The following NAALAD2 variants were observed in gnomAD, a reference collection of about 807,000 sequenced individuals.
The protein encoded by NAALAD2 is N-acetylated alpha-linked acidic dipeptidase 2, also known as N-acetylated-alpha-linked acidic dipeptidase 2.
NAALAD2 carries 89 observed loss-of-function variants against 95.6 expected under a neutral mutation model. The observed-to-expected ratio is 0.93, with a 90% CI of 0.78 to 1.11. The LOEUF (loss-of-function observed/expected upper bound fraction) is 1.11. Ranked by LOEUF, NAALAD2 falls within the 50% of genes least tolerant of loss-of-function variation. The pLI is 0.00. For synonymous variants in NAALAD2, 264 were observed against 294.4 expected, an observed-to-expected ratio of 0.90 and a Z score of 1.06; for missense variants, 894 against 872.4, an observed-to-expected ratio of 1.02 and a Z score of -0.31.
At chr11:90,159,060 G>C (rs548713825) in intron 7 of NAALAD2, 179 bp from the exon 8 acceptor site, 1 of 592,462 alleles carries the variant, frequency 1.7e-6, no homozygotes, top group African/African-American at 1.9e-5. Context: ...ACTGATTTCA[G>C]TATGGCTCTC....
At chr11:90,142,688 G>A (rs552551393) in intron 2 of NAALAD2, among the ~76,000 whole-genome samples, 84 of 152,178 alleles carry the variant, frequency 5.5e-4, no homozygotes, top group Middle Eastern at 6.8e-3. Flanking sequence ...TGCCTTGTGA[G>A]TATTTAGTCC....
At chr11:90,148,682 G>C (rs1178582162) in intron 3 of NAALAD2, among the ~76,000 whole-genome samples, 1 of 150,806 alleles carries the variant, frequency 6.6e-6, no homozygotes, top group Non-Finnish European at 1.5e-5. Flanking sequence ...AAATAAAGAT[G>C]AAAGAAAAGG....
At chr11:90,156,503 T>C (rs1317027280) in intron 6 of NAALAD2, among the ~76,000 whole-genome samples, 2 of 152,186 alleles carry the variant, frequency 1.3e-5, no homozygotes, top group Non-Finnish European at 2.9e-5. Context: ...TTTTCTACGA[T>C]GGATTATTTA....
intron 2 of NAALAD2, among the ~76,000 whole-genome samples, chr11:90,143,287 T>C (rs1167326069): frequency 6.6e-6 from 1 of 152,156 alleles, no homozygotes; most frequent in Admixed American, 6.5e-5. Context: ...TGACAAATTC[T>C]TAGTTTTTCT....
rs1479963279 is a variant in NAALAD2, at chr11:90,135,554, C to T, written c.83-5C>T. On this transcript the variant is annotated splice_polypyrimidine_tract_variant and splice_region_variant and intron_variant, in intron 1 of 18. Transcript: ENST00000534061. ...TGTGCATGTTTGTGTATTTTTTTTCCTTAGGCTGGTTTATTAAGCCTCTCA... is the reference window on the plus strand; with the variant it reads ...TGTGCATGTTTGTGTATTTTTTTTCTTTAGGCTGGTTTATTAAGCCTCTCA... 6.3e-7 allele frequency: 1 copy of T among 1,599,604 alleles called. No individual in the cohort carries two copies. The highest frequency in any genetic ancestry group is 1.1e-5 in the South Asian group (1 of 89,314).
intron 6 of NAALAD2, among the ~76,000 whole-genome samples, chr11:90,154,702 A>G (rs565570800): frequency 6.6e-6 from 1 of 151,028 alleles, no homozygotes; most frequent in South Asian, 2.1e-4. Flanking sequence ...GAATGGGTTC[A>G]ATGTTGTCTA....
In NAALAD2 at chr11:90,159,322, G is replaced by T. The variant is rs776065043; in HGVS notation, c.974G>T (p.Gly325Val). The change falls in exon 8 of 19, where the codon GGG becomes GTG. Residue 325 changes from glycine (G) to valine (V), a missense_variant. Transcript: ENST00000534061. The stretch of plus-strand genomic sequence containing the variant: ...TATAGTATCGGACCTGGCTTTACAG[G>T]GAGTGATTCTTTCAGGTAATTTTGC... ...VSYSIGPGFT[G>V]SDSFRKVRMH... 2 of 1,612,780 alleles carry T rather than the reference G, an allele frequency of 1.2e-6. No homozygotes were observed. The highest frequency in any genetic ancestry group is 3.3e-5 in the Admixed American group (2 of 59,952).
intron 3 of NAALAD2, 128 bp downstream of exon 3, chr11:90,147,644 A>G (rs2134855774): frequency 2.3e-6 from 2 of 858,986 alleles, no homozygotes; most frequent in Admixed American, 2.8e-5. Context: ...TGTGTTCGAC[A>G]TGGTGTTAAG....
chr11:90,191,533 A>G (rs750530262), intron 18 of NAALAD2, 25 bp from the exon 19 acceptor site: 2 of 1,513,838 alleles, frequency 1.3e-6, no homozygotes, highest in South Asian at 1.4e-5. Flanking sequence ...CTTTAGTTCA[A>G]TTTGCCTTGT....
At chr11:90,148,396 G>C (rs1211316000) in intron 3 of NAALAD2, among the ~76,000 whole-genome samples, 1 of 152,102 alleles carries the variant, frequency 6.6e-6, no homozygotes, top group Non-Finnish European at 1.5e-5. Flanking sequence ...GAGACTGTCT[G>C]GTGTGGGTGG....
chr11:90,167,463 C>T (rs1206566734), intron 11 of NAALAD2, among the ~76,000 whole-genome samples: 3 of 152,208 alleles, frequency 2.0e-5, no homozygotes, highest in Non-Finnish European at 4.4e-5. Context: ...AGCCTCCCGA[C>T]GAGCACCGCT....
chr11:90,179,242 C>T (rs1291011426), intron 16 of NAALAD2, among the ~76,000 whole-genome samples: 1 of 151,672 alleles, frequency 6.6e-6, no homozygotes, highest in Non-Finnish European at 1.5e-5. Flanking sequence ...TAGTATATAC[C>T]CAAATTATCA....
At chr11:90,164,648 C>A (rs181530227) in intron 11 of NAALAD2, among the ~76,000 whole-genome samples, 68 of 152,128 alleles carry the variant, frequency 4.5e-4, no homozygotes, top group African/African-American at 1.5e-3. Context: ...ATGTGATTTA[C>A]CCATTTTAAC....
chr11:90,151,055 C>T (rs1270640968), intron 5 of NAALAD2, among the ~76,000 whole-genome samples: 1 of 151,836 alleles, frequency 6.6e-6, no homozygotes, highest in East Asian at 1.9e-4. Flanking sequence ...TCAGCCATGA[C>T]TCATATTCTT....
chr11:90,144,966 G>A (rs536583454), intron 2 of NAALAD2, among the ~76,000 whole-genome samples: 1 of 152,144 alleles, frequency 6.6e-6, no homozygotes, highest in East Asian at 1.9e-4. Flanking sequence ...TCAACTTTGA[G>A]TGTTCTCCCT....
rs908016574 is a variant in NAALAD2, at chr11:90,192,354, CCAGA to C, written c.*610_*613del. The C allele has an allele frequency of 6.6e-6, 1 of 151,880 alleles. No individual in the cohort carries two copies. Among genetic ancestry groups the C allele is most frequent in the Non-Finnish European group, 1.5e-5 (1 of 67,872 alleles). The allele number at this position is 151,880 out of a possible 1,614,324, so 9.4% of individuals were successfully genotyped here. On this transcript the variant is annotated 3_prime_UTR_variant, in exon 19 of 19. Transcript: ENST00000534061. ...GGCAGACATTGTTGAAGGAAAAAAG[CCAGA>C]CAAACAACTACATAAAATATGTTTC...
rs762011871 is a variant in NAALAD2 at position 90,173,930 on chromosome 11, T to C, written c.1502+15T>C. The C allele has an allele frequency of 2.6e-6, 4 of 1,518,904 alleles. No individual in the cohort carries two copies. Among genetic ancestry groups the C allele is most frequent in the African/African-American group, 1.4e-5 (1 of 72,870 alleles). 94.1% of individuals were successfully genotyped at this position (1,518,904 alleles called of 1,614,324 possible). A position where few individuals can be genotyped will look rare whatever the true frequency, so the allele number is the denominator to read the frequency against. ...AATTTGCCTAGGTAAGTTACTGATA[T>C]GCACCTTTTCTACTGTAGGATAAGT... is the stretch of plus-strand genomic sequence containing the variant. On this transcript the variant is annotated intron_variant, in intron 14 of 18. Coordinates refer to ENST00000534061, the MANE Select transcript of NAALAD2 (RefSeq NM_005467.4).
At chr11:90,166,374 ATT>A (rs1448408836) in intron 11 of NAALAD2, among the ~76,000 whole-genome samples, 3 of 152,088 alleles carry the variant, frequency 2.0e-5, no homozygotes, top group African/African-American at 7.2e-5. Context: ...GCCTCCTCTA[ATT>A]TTTTGTCTTC....
At chr11:90,156,805 G>A (rs1952130579) in intron 6 of NAALAD2, among the ~76,000 whole-genome samples, 1 of 152,112 alleles carries the variant, frequency 6.6e-6, no homozygotes, top group African/African-American at 2.4e-5. Context: ...CCTAGGCTGA[G>A]TGTTTTTATT....
Sources: gnomAD v4.1 joint callset for allele counts (sites outside exome capture counted in the v4.1 genomes callset) on GRCh38, gnomAD v4.1.1 for gene constraint, MANE v1.5 for transcripts, NCBI Gene and HGNC (gene_info 2026-07-23, HGNC 2026-07-21) for gene names.